The following CSMD3 variants were observed in gnomAD, a reference collection of about 807,000 sequenced individuals.
CSMD3 encodes the protein CUB and sushi domain-containing protein 3.
In CSMD3, 177 loss-of-function variants were observed where a neutral mutation model predicts 435.2. That is an observed-to-expected ratio of 0.41 (90% CI 0.36 to 0.46). The LOEUF (loss-of-function observed/expected upper bound fraction) is 0.46. Among genes scored for constraint, CSMD3 ranks in the 20% least tolerant of loss-of-function variants. The probability of loss-of-function intolerance (pLI) is 0.34; values close to 1 mark genes in which losing one functional copy is unlikely to be tolerated. For synonymous variants in CSMD3, 1,656 were observed against 1,520.5 expected (o/e 1.09, Z -2.07); for missense variants, 4,265 against 4,504.6 (o/e 0.95, Z 1.52).
At chr8:113,218,385 C>A (rs1216884486) in intron 3 of CSMD3, among the ~76,000 whole-genome samples, 1 of 149,476 alleles carries the variant, frequency 6.7e-6, no homozygotes, top group African/African-American at 2.4e-5. Context: ...CTAAAAATAT[C>A]TGAAACCACA....
intron 5 of CSMD3, among the ~76,000 whole-genome samples, chr8:113,087,273 C>T (rs1455460473): frequency 2.0e-5 from 3 of 151,798 alleles, no homozygotes; most frequent in Non-Finnish European, 2.9e-5. Flanking sequence ...GTGAAAATGG[C>T]CATATTGCCC....
intron 1 of CSMD3, among the ~76,000 whole-genome samples, chr8:113,326,344 G>T (rs2093983787): frequency 8.8e-6 from 1 of 113,334 alleles, no homozygotes; most frequent in South Asian, 3.2e-4. Flanking sequence ...ATTATATTAA[G>T]ATCCCATTAT....
chr8:112,422,328 A>C (rs1812608446), intron 32 of CSMD3, among the ~76,000 whole-genome samples: 1 of 152,186 alleles, frequency 6.6e-6, no homozygotes, highest in African/African-American at 2.4e-5. Context: ...TATTATCTTA[A>C]AAATACACAC....
At chr8:112,523,656 A>T (rs1247883123) in intron 27 of CSMD3, among the ~76,000 whole-genome samples, 1 of 152,024 alleles carries the variant, frequency 6.6e-6, no homozygotes, top group Non-Finnish European at 1.5e-5. Flanking sequence ...AGTCAAATCA[A>T]TTAGAAAATA....
chr8:113,431,348 ATAAAC>A (rs1301444731), intron 1 of CSMD3, among the ~76,000 whole-genome samples: 2 of 152,224 alleles, frequency 1.3e-5, no homozygotes, highest in Non-Finnish European at 1.5e-5. Context: ...GTACATGTAA[ATAAAC>A]TAAAGTGTTC....
intron 3 of CSMD3, among the ~76,000 whole-genome samples, chr8:113,265,075 A>C (rs2093458503): frequency 6.6e-6 from 1 of 151,628 alleles, no homozygotes. Flanking sequence ...GATTTTTTAT[A>C]CATGTTGCTA....
At chr8:113,420,895 G>A (rs537817692) in intron 1 of CSMD3, among the ~76,000 whole-genome samples, 7 of 151,554 alleles carry the variant, frequency 4.6e-5, no homozygotes, top group African/African-American at 1.5e-4. Flanking sequence ...GGTTGTAGTA[G>A]CTGAGATCGC....
chr8:112,725,147 A>C (rs1246797448), intron 13 of CSMD3, among the ~76,000 whole-genome samples: 1 of 151,760 alleles, frequency 6.6e-6, no homozygotes, highest in Non-Finnish European at 1.5e-5. Context: ...AAGTGGGGTC[A>C]AAACAACTTT....
intron 1 of CSMD3, among the ~76,000 whole-genome samples, chr8:113,327,932 A>C (rs950114110): frequency 6.6e-6 from 1 of 152,182 alleles, no homozygotes; most frequent in Non-Finnish European, 1.5e-5. Context: ...GGTTATGTGC[A>C]TGTACAGGCC....
In CSMD3 at chr8:112,361,572, C is replaced by CAT. The variant is rs4030099; in HGVS notation, c.6137-9040_6137-9039dup. 7.6e-3 allele frequency among the ~76,000 whole-genome samples: 809 copies of CAT among 106,610 alleles called. 14 individuals are homozygous for CAT. Among genetic ancestry groups the CAT allele is most frequent in the Admixed American group, 8.6e-3 (80 of 9,264 alleles). 69.9% of individuals were successfully genotyped at this position (106,610 alleles called of 152,430 possible). ...GTGTGTATGTATATATATACACATA[C>CAT]ATATATATATATATATATATATATA... On this transcript the variant is annotated intron_variant, in intron 38 of 70. Coordinates refer to ENST00000297405, the MANE Select transcript of CSMD3 (RefSeq NM_198123.2).
intron 4 of CSMD3, among the ~76,000 whole-genome samples, chr8:113,100,321 T>C (rs1472083860): frequency 1.3e-5 from 2 of 152,126 alleles, no homozygotes; most frequent in African/African-American, 2.4e-5. Context: ...CCATGTGGCA[T>C]ACTACTACAA....
chr8:112,368,037 AGT>A (rs1827954344), intron 38 of CSMD3, among the ~76,000 whole-genome samples: 1 of 152,154 alleles, frequency 6.6e-6, no homozygotes, highest in Non-Finnish European at 1.5e-5. Context: ...AAATTTTCTG[AGT>A]GTCACATGGC....
chr8:112,364,272 CA>C (rs1827541668), intron 38 of CSMD3, among the ~76,000 whole-genome samples: 1 of 151,774 alleles, frequency 6.6e-6, no homozygotes, highest in South Asian at 2.1e-4. Context: ...TCAGATATTC[CA>C]GTTTTTCCTA....
chr8:113,046,121 G>T (rs908544694), intron 5 of CSMD3, among the ~76,000 whole-genome samples: 1 of 149,048 alleles, frequency 6.7e-6, no homozygotes, highest in Non-Finnish European at 1.5e-5. Flanking sequence ...CCTGGCAAGC[G>T]CTTCCACTAT....
chr8:112,586,575 T>C (rs1473811829), intron 23 of CSMD3, among the ~76,000 whole-genome samples: 1 of 151,166 alleles, frequency 6.6e-6, no homozygotes, highest in Admixed American at 6.6e-5. Flanking sequence ...ACTTGTTAGG[T>C]TTATATATTC....
intron 3 of CSMD3, among the ~76,000 whole-genome samples, chr8:113,221,607 T>C (rs2092967620): frequency 6.6e-6 from 1 of 151,362 alleles, no homozygotes; most frequent in African/African-American, 2.4e-5. Flanking sequence ...TTCTTTTTAC[T>C]ACTTTATTCT....
intron 32 of CSMD3, among the ~76,000 whole-genome samples, chr8:112,467,017 T>C (rs1392965299): frequency 8.5e-5 from 13 of 152,160 alleles, no homozygotes; most frequent in Non-Finnish European, 5.9e-5. Context: ...ATAAACAAAA[T>C]ACATTAAAGT....
At chr8:112,486,119 T>A (rs1021417005) in intron 31 of CSMD3, among the ~76,000 whole-genome samples, 1 of 151,678 alleles carries the variant, frequency 6.6e-6, no homozygotes, top group Non-Finnish European at 1.5e-5. Flanking sequence ...ATCAGGTTTT[T>A]TTTTTTTTGG....
intron 3 of CSMD3, among the ~76,000 whole-genome samples, chr8:113,225,183 A>C (rs1339056903): frequency 6.6e-6 from 1 of 151,420 alleles, no homozygotes; most frequent in Non-Finnish European, 1.5e-5. Flanking sequence ...GGATTATCAA[A>C]TTTGATTAAT....
Sources: allele counts gnomAD v4.1 joint callset (sites outside exome capture counted in the v4.1 genomes callset), GRCh38; gene constraint gnomAD v4.1.1; transcripts MANE v1.5; gene names NCBI Gene and HGNC (gene_info 2026-07-23, HGNC 2026-07-21).